GDAP2: variants seen among roughly 807,000 people sequenced by gnomAD.
GDAP2 encodes ganglioside induced differentiation associated protein 2, also known as ganglioside-induced differentiation-associated protein 2.
A neutral mutation model predicts 67.0 loss-of-function variants in GDAP2; 51 were observed. The ratio of observed to expected loss-of-function variants is 0.76; its 90% confidence interval spans 0.61 to 0.96. The LOEUF (loss-of-function observed/expected upper bound fraction) is 0.96, where lower values mean the gene tolerates loss of function less well. GDAP2 is among the 40% of genes least tolerant of loss of function. The pLI is 0.00. For missense variants in GDAP2, 547 were observed against 588.3 expected, an observed-to-expected ratio of 0.93 and a Z score of 0.73; for synonymous variants, 203 against 207.3, an observed-to-expected ratio of 0.98 and a Z score of 0.18.
intron 6 of GDAP2, among the ~76,000 whole-genome samples, chr1:117,903,518 T>C (rs1329345577): frequency 6.6e-6 from 1 of 152,198 alleles, no homozygotes; most frequent in Non-Finnish European, 1.5e-5. Context: ...TTTCTACATC[T>C]ATTCAGATGG....
chr1:117,888,581 C>A (rs145293341), intron 8 of GDAP2, among the ~76,000 whole-genome samples: 363 of 152,218 alleles, frequency 2.4e-3, no homozygotes, highest in Non-Finnish European at 3.8e-3. Flanking sequence ...GCTTTTTCTA[C>A]TATATCATAC....
chr1:117,872,562 C>T lies in GDAP2; in HGVS notation c.1447-1946G>A, dbSNP rs374201115. ...GCAGAGACACGGATGAAGCTGGAAG[C>T]CATTATTCTCAGCAAACTAATGCAG... On this transcript the variant is annotated intron_variant, in intron 13 of 13. Coordinates refer to ENST00000369443, the MANE Select transcript of GDAP2 (RefSeq NM_017686.4). Among the ~76,000 whole-genome samples the T allele has an allele frequency of 2.6e-5, 4 of 152,010 alleles. No homozygotes were observed. In the East Asian group the frequency reaches 5.8e-4, roughly 22 times the overall value.
intron 3 of GDAP2, among the ~76,000 whole-genome samples, chr1:117,916,497 G>T (rs939240996): frequency 1.3e-5 from 2 of 152,166 alleles, no homozygotes; most frequent in Non-Finnish European, 2.9e-5. Flanking sequence ...ACAATAAGGG[G>T]TTTACACTTA....
Position 117,867,526 on chromosome 1 carries a change from TG to T in GDAP2, c.*3042del, listed in dbSNP as rs1330288217. The stretch of plus-strand genomic sequence containing the variant: ...CAACATGGTGAAACCCTGTCTCTAC[TG>T]AAAAAAAAAAAAAAAAAAAAAAAAA... On this transcript the variant is annotated 3_prime_UTR_variant, in exon 14 of 14. Coordinates refer to ENST00000369443, the MANE Select transcript of GDAP2 (RefSeq NM_017686.4). 2.0e-4 allele frequency: 16 copies of T among 81,038 alleles called. No individual in the cohort carries two copies. The South Asian group carries it at 5.3e-3, about 27-fold the overall frequency. 5.0% of individuals were successfully genotyped at this position (81,038 alleles called of 1,614,324 possible).
intron 13 of GDAP2, among the ~76,000 whole-genome samples, chr1:117,875,787 G>A (rs928761991): frequency 6.6e-6 from 1 of 152,218 alleles, no homozygotes; most frequent in Non-Finnish European, 1.5e-5. Flanking sequence ...CTTATAAGGG[G>A]CCAGTTACCC....
intron 10 of GDAP2, among the ~76,000 whole-genome samples, chr1:117,884,634 T>A (rs886744213): frequency 6.6e-6 from 1 of 152,120 alleles, no homozygotes; most frequent in South Asian, 2.1e-4. Flanking sequence ...CAGGAAATGA[T>A]ACATCATGAA....
Position 117,929,436 on chromosome 1 carries a change from C to G in GDAP2, c.-68+12G>C, listed in dbSNP as rs1366164865. On this transcript the variant is annotated intron_variant, in intron 1 of 13. Coordinates refer to ENST00000369443, the MANE Select transcript of GDAP2 (RefSeq NM_017686.4). The stretch of plus-strand genomic sequence containing the variant: ...CCCCGCCTTCCCTCCCGGCCTCAGT[C>G]CCTCCTCTCACAGCACTCTGGTGGT... 3 of 153,078 alleles carry G rather than the reference C, an allele frequency of 2.0e-5. No homozygotes were observed. The highest frequency in any genetic ancestry group is 7.2e-5 in the African/African-American group (3 of 41,482). The allele number at this position is 153,078 out of a possible 1,614,324, so 9.5% of individuals were successfully genotyped here. A position where few individuals can be genotyped will look rare whatever the true frequency, so the allele number is the denominator to read the frequency against.
chr1:117,912,431 C>T, intron 4 of GDAP2, 99 bp downstream of exon 4: 4 of 1,061,284 alleles, frequency 3.8e-6, no homozygotes, highest in South Asian at 1.7e-5. Flanking sequence ...ACTTCCACTG[C>T]TAGGTTTTTA....
At chr1:117,902,945 G>A (rs796137252) in intron 6 of GDAP2, among the ~76,000 whole-genome samples, 32 of 152,160 alleles carry the variant, frequency 2.1e-4, no homozygotes, top group African/African-American at 7.7e-4. Context: ...CTTTCAAAGA[G>A]GTCTTATAGT....
At chr1:117,904,507 T>C (rs1649590965) in intron 6 of GDAP2, among the ~76,000 whole-genome samples, 2 of 152,230 alleles carry the variant, frequency 1.3e-5, no homozygotes, top group African/African-American at 4.8e-5. Context: ...TGTTTTTCAT[T>C]ATCCCTTTAT....
At chr1:117,873,631 G>A (rs1044431874) in intron 13 of GDAP2, among the ~76,000 whole-genome samples, 1 of 151,822 alleles carries the variant, frequency 6.6e-6, no homozygotes, top group African/African-American at 2.4e-5. Context: ...ATGACTGATG[G>A]GGCATCTCAA....
rs1648162861 is a variant in GDAP2 at position 117,868,848 on chromosome 1, G to A, written c.*1721C>T. The A allele has an allele frequency of 1.3e-5, 2 of 152,240 alleles. No homozygotes were observed. Among genetic ancestry groups the A allele is most frequent in the South Asian group, 2.1e-4 (1 of 4,828 alleles). 9.4% of individuals were successfully genotyped at this position (152,240 alleles called of 1,614,324 possible). A position where few individuals can be genotyped will look rare whatever the true frequency, so the allele number is the denominator to read the frequency against. On this transcript the variant is annotated 3_prime_UTR_variant, in exon 14 of 14. Transcript: ENST00000369443. ...CATAAGAGAAAATCTTAACATAGAT[G>A]TATATATAAGGATCAAGTAATTTTG...
chr1:117,910,675 T>C (rs1466038098), intron 5 of GDAP2, among the ~76,000 whole-genome samples: 2 of 152,194 alleles, frequency 1.3e-5, no homozygotes, highest in African/African-American at 2.4e-5. Flanking sequence ...TTTAGTATAG[T>C]TCGTCTCTGA....
At chr1:117,911,413 T>G (rs779853600) in intron 5 of GDAP2, among the ~76,000 whole-genome samples, 2 of 152,206 alleles carry the variant, frequency 1.3e-5, no homozygotes, top group Non-Finnish European at 2.9e-5. Context: ...CTGACTGCAT[T>G]TGTTACAGAC....
intron 5 of GDAP2, among the ~76,000 whole-genome samples, chr1:117,910,768 A>G (rs1446805219): frequency 6.6e-6 from 1 of 152,176 alleles, no homozygotes; most frequent in African/African-American, 2.4e-5. Flanking sequence ...GAAGTTCGCT[A>G]AAATACTTTG....
intron 12 of GDAP2, 98 bp downstream of exon 12, chr1:117,881,725 G>A (rs1648653226): frequency 5.4e-6 from 4 of 743,776 alleles, no homozygotes; most frequent in Non-Finnish European, 9.8e-6. Flanking sequence ...CAGTCACAAT[G>A]GTGACAGCAA....
In GDAP2 at chr1:117,906,546, G is replaced by C. The variant is rs147164702; in HGVS notation, c.596C>G (p.Thr199Ser). 1.1e-5 allele frequency: 18 copies of C among 1,578,636 alleles called. No homozygotes were observed. The highest frequency in any genetic ancestry group is 1.6e-5 in the Non-Finnish European group (18 of 1,150,998). Residue 199 changes from threonine to serine, a missense_variant, in exon 6 of 14, where the codon ACC becomes AGC. By Grantham distance (58) the Thr-to-Ser change is moderately conservative. Transcript: ENST00000369443. The stretch of plus-strand genomic sequence containing the variant: ...GACAGCAAATACTACTTTTTCAATG[G>C]TTTCCCCATGAATCTCTAGGAATCT... ...VRRFLEIHGE[T>S]IEKVVFAVSD...
At chr1:117,910,703 A>G (rs989475342) in intron 5 of GDAP2, among the ~76,000 whole-genome samples, 26 of 152,200 alleles carry the variant, frequency 1.7e-4, no homozygotes, top group Admixed American at 3.3e-4. Flanking sequence ...AGTGTTTTCT[A>G]TAACAGCTGC....
At position 117,865,897 on chromosome 1, in the gene GDAP2, G is replaced by A. The variant is rs778617332; in HGVS notation, c.*4672C>T. The A allele has an allele frequency of 1.1e-4, 16 of 152,114 alleles. No individual in the cohort carries two copies. The highest frequency in any genetic ancestry group is 1.8e-4 in the Non-Finnish European group (12 of 68,008). 9.4% of individuals were successfully genotyped at this position (152,114 alleles called of 1,614,324 possible). A position where few individuals can be genotyped will look rare whatever the true frequency, so the allele number is the denominator to read the frequency against. ...CAGTAAGACTCAAAGATTGAACTAG[G>A]TTATTTATTGCTCTATGTTCTCTAC... On this transcript the variant is annotated 3_prime_UTR_variant, in exon 14 of 14. Coordinates refer to ENST00000369443, the MANE Select transcript of GDAP2 (RefSeq NM_017686.4).
Sources: allele counts gnomAD v4.1 joint callset (sites outside exome capture counted in the v4.1 genomes callset), GRCh38; gene constraint gnomAD v4.1.1; transcripts MANE v1.5; gene names NCBI Gene and HGNC (gene_info 2026-07-23, HGNC 2026-07-21).